Variants in MRPL58 observed in about 807,000 individuals in gnomAD.
The protein encoded by MRPL58 is large ribosomal subunit protein mL62.
Under a neutral mutation model 26.0 loss-of-function variants are expected in MRPL58, and 17 were observed. That is an observed-to-expected ratio of 0.65 (90% CI 0.45 to 0.98). The LOEUF (loss-of-function observed/expected upper bound fraction) is 0.98, where lower values mean the gene tolerates loss of function less well. MRPL58 is among the 50% of genes least tolerant of loss of function. The pLI, the probability that MRPL58 is intolerant of heterozygous loss-of-function variation, is 0.00. For missense variants in MRPL58, 250 were observed against 269.0 expected (o/e 0.93, Z 0.49); for synonymous variants, 100 against 99.7 (o/e 1.00, Z -0.02).
chr17:75,016,979 T>C, intron 1 of MRPL58, 99 bp from the exon 2 acceptor site: 1 of 878,902 alleles, frequency 1.1e-6, no homozygotes, highest in Non-Finnish European at 2.0e-6. Context: ...ATGTACAATG[T>C]TTGTGTTGTG....
At chr17:75,014,179 CTTTTTT>C (rs570042413) in intron 1 of MRPL58, among the ~76,000 whole-genome samples, 1 of 77,020 alleles carries the variant, frequency 1.3e-5, no homozygotes, top group Non-Finnish European at 2.2e-5. Flanking sequence ...AGTCTGGGGC[CTTTTTT>C]TTTTTTTTTT....
In MRPL58 at chr17:75,021,083, G is replaced by A; in HGVS notation, c.*78G>A. ...TGAGAGGACTTTCACACCATAAGGA[G>A]ATTTCTGTTTTTCTTTTTGGCTGTT... On this transcript the variant is annotated 3_prime_UTR_variant, in exon 6 of 6. Transcript: ENST00000301585. 1 of 911,328 alleles carries A rather than the reference G, an allele frequency of 1.1e-6. No homozygotes were observed. The highest frequency in any genetic ancestry group is 1.8e-6 in the Non-Finnish European group (1 of 554,748). 56.5% of individuals were successfully genotyped at this position (911,328 alleles called of 1,614,324 possible). A position where few individuals can be genotyped will look rare whatever the true frequency, so the allele number is the denominator to read the frequency against.
In MRPL58 at chr17:75,021,022, TG is replaced by T; in HGVS notation, c.*20del. ...ATGGACTGAAATCACCCTCTGCAGC[TG>T]GGAGGGCTCTTCTGGGCGTCCGGGC... On this transcript the variant is annotated 3_prime_UTR_variant, in exon 6 of 6. Coordinates refer to ENST00000301585, the MANE Select transcript of MRPL58 (RefSeq NM_001545.3). 6.3e-7 allele frequency: 1 copy of T among 1,577,600 alleles called. No homozygotes were observed. Among genetic ancestry groups the T allele is most frequent in the Non-Finnish European group, 8.7e-7 (1 of 1,146,722 alleles).
At chr17:75,018,904 C>T (rs576322861) in intron 2 of MRPL58, among the ~76,000 whole-genome samples, 17 of 152,248 alleles carry the variant, frequency 1.1e-4, no homozygotes, top group Non-Finnish European at 2.5e-4. Context: ...ATGACCACAA[C>T]CCAAGGGACA....
Position 75,013,056 on chromosome 17 carries a change from T to C in MRPL58, c.186+184T>C, listed in dbSNP as rs141417775. Reference sequence around the variant, plus strand: ...GGGGTGCTCGCTGTAGCGCGAGATGTGCAGGAGCCCGGAAGGCCGGCTGGG... The same window carrying C: ...GGGGTGCTCGCTGTAGCGCGAGATGCGCAGGAGCCCGGAAGGCCGGCTGGG... On this transcript the variant is annotated intron_variant, in intron 1 of 5. Transcript: ENST00000301585. 3.8e-3 allele frequency among the ~76,000 whole-genome samples: 585 copies of C among 152,270 alleles called. 4 individuals are homozygous for C. The highest frequency in any genetic ancestry group is 0.013 in the African/African-American group (555 of 41,562).
At position 75,012,728 on chromosome 17, in the gene MRPL58, C is replaced by T. The variant is rs1250110389; in HGVS notation, c.42C>T (p.Ala14=). The change falls in exon 1 of 6, where the codon GCC becomes GCT. Residue 14 remains alanine, a synonymous_variant. Transcript: ENST00000301585. The part of the protein sequence containing the change: ...TRCLRWGLSR[A]GVWLLPPPAR... Reference sequence around the variant, plus strand: ...GCCTGCGCTGGGGCCTGAGCCGAGCCGGAGTCTGGCTGCTCCCACCGCCCG... The same window carrying T: ...GCCTGCGCTGGGGCCTGAGCCGAGCTGGAGTCTGGCTGCTCCCACCGCCCG... 2.5e-6 allele frequency: 4 copies of T among 1,579,426 alleles called. No homozygotes were observed. The highest frequency in any genetic ancestry group is 3.7e-5 in the Admixed American group (2 of 54,486).
Position 75,019,250 on chromosome 17 carries a change from G to A in MRPL58, c.224-450G>A, listed in dbSNP as rs555983476. 6.6e-5 allele frequency among the ~76,000 whole-genome samples: 10 copies of A among 152,222 alleles called. No homozygotes were observed. The South Asian group carries it at 1.9e-3, about 28-fold the overall frequency. On this transcript the variant is annotated intron_variant, in intron 2 of 5. Transcript: ENST00000301585. Reference sequence around the variant, plus strand: ...AAGTGTCTTGTGACAGCCTCCTAGGGGGAGACAGGCAGGCAAGTGGGCAGT... The same window carrying A: ...AAGTGTCTTGTGACAGCCTCCTAGGAGGAGACAGGCAGGCAAGTGGGCAGT...
Position 75,017,018 on chromosome 17 carries a change from A to G in MRPL58, c.187-60A>G, listed in dbSNP as rs1049031221. ...TTACATCATTTCTTTGTTGCCTTGAACCAGTTAGGAGTCACCCAGCAGGTA... is the reference window on the plus strand; with the variant it reads ...TTACATCATTTCTTTGTTGCCTTGAGCCAGTTAGGAGTCACCCAGCAGGTA... On this transcript the variant is annotated intron_variant, in intron 1 of 5. Transcript: ENST00000301585. The G allele has an allele frequency of 3.1e-6, 4 of 1,275,076 alleles. No individual in the cohort carries two copies. The African/African-American group carries it at 5.9e-5, about 19-fold the overall frequency. 79.0% of individuals were successfully genotyped at this position (1,275,076 alleles called of 1,614,324 possible).
chr17:75,013,713 C>G (rs552073117), intron 1 of MRPL58, among the ~76,000 whole-genome samples: 1 of 152,170 alleles, frequency 6.6e-6, no homozygotes, highest in Admixed American at 6.5e-5. Context: ...AGAAGCCAGA[C>G]AGCAAGTCAT....
chr17:75,016,457 A>C (rs1232644438), intron 1 of MRPL58, among the ~76,000 whole-genome samples: 4 of 151,172 alleles, frequency 2.6e-5, no homozygotes, highest in Non-Finnish European at 1.5e-5. Flanking sequence ...GCACCTGAGG[A>C]TACTGATGCT....
intron 2 of MRPL58, among the ~76,000 whole-genome samples, chr17:75,019,051 G>A (rs1478231278): frequency 6.6e-6 from 1 of 151,834 alleles, no homozygotes; most frequent in African/African-American, 2.4e-5. Flanking sequence ...GTTCGCTTCA[G>A]CCTGGGATGT....
At position 75,012,765 on chromosome 17, in the gene MRPL58, C is replaced by T. The variant is rs1205504916; in HGVS notation, c.79C>T (p.Arg27Cys). The change falls in exon 1 of 6, where the codon CGC becomes TGC. Residue 27 changes from arginine (R) to cysteine (C), a missense_variant. Transcript: ENST00000301585. The part of the protein sequence containing the change: ...WLLPPPARCP[R>C]RALHKQKDGT... Reference sequence around the variant, plus strand: ...GCTCCCACCGCCCGCACGGTGCCCACGCCGGGCGCTGCACAAGCAGAAAGA... The same window carrying T: ...GCTCCCACCGCCCGCACGGTGCCCATGCCGGGCGCTGCACAAGCAGAAAGA... 5 of 1,597,628 alleles carry T rather than the reference C, an allele frequency of 3.1e-6. No individual in the cohort carries two copies. In the Admixed American group the frequency reaches 6.9e-5, roughly 22 times the overall value.
In MRPL58 at chr17:75,019,738, G is replaced by C. The variant is rs778120165; in HGVS notation, c.262G>C (p.Gly88Arg). The change falls in exon 3 of 6, where the codon GGG (glycine) becomes CGG (arginine). Residue 88 changes from glycine to arginine, a missense_variant. By Grantham distance (125) the Gly-to-Arg change is moderately radical. Transcript: ENST00000301585. The stretch of plus-strand genomic sequence containing the variant: ...ATCTTATTGTCGGAGTAGTGGTCCT[G>C]GGGGGCAGAATGTGAACAAAGGTAC... ...TISYCRSSGP[G>R]GQNVNKVNSK... 11 of 1,608,094 alleles carry C rather than the reference G, an allele frequency of 6.8e-6. No homozygotes were observed. The highest frequency in any genetic ancestry group is 3.3e-4 in the Middle Eastern group (2 of 6,032).
chr17:75,020,812 T>C, intron 5 of MRPL58, 109 bp from the exon 6 acceptor site: 1 of 1,176,574 alleles, frequency 8.5e-7, no homozygotes, highest in Non-Finnish European at 1.3e-6. Flanking sequence ...TGCGGGCTAG[T>C]GCCTGCTGGT....
chr17:75,018,657 C>T (rs376524822), intron 2 of MRPL58: 1 of 152,078 alleles, frequency 6.6e-6, no homozygotes, highest in Non-Finnish European at 1.5e-5. Context: ...ATAAGACAAA[C>T]TTGGTGGCTG....
At chr17:75,020,840 C>G (rs868139845) in intron 5 of MRPL58, 81 bp from the exon 6 acceptor site, 22 of 1,287,422 alleles carry the variant, frequency 1.7e-5, no homozygotes, top group Non-Finnish European at 2.1e-5. Flanking sequence ...CTCGGCTTCC[C>G]GTTGAGCTCC....
chr17:75,017,907 C>T (rs113071925), intron 2 of MRPL58, among the ~76,000 whole-genome samples: 2 of 148,550 alleles, frequency 1.3e-5, no homozygotes, highest in African/African-American at 5.0e-5. Flanking sequence ...CTGGGCGACA[C>T]AGCGAGACTC....
At chr17:75,016,895 G>A (rs868787873) in intron 1 of MRPL58, among the ~76,000 whole-genome samples, 183 bp from the exon 2 acceptor site, 1 of 152,256 alleles carries the variant, frequency 6.6e-6, no homozygotes, top group South Asian at 2.1e-4. Flanking sequence ...GTGTTTCTGA[G>A]GTGGTACCTC....
In MRPL58 at chr17:75,012,831, T is replaced by C. The variant is rs772866271; in HGVS notation, c.145T>C (p.Tyr49His). 3.7e-6 allele frequency: 6 copies of C among 1,609,570 alleles called. No individual in the cohort carries two copies. The highest frequency in any genetic ancestry group is 5.1e-6 in the Non-Finnish European group (6 of 1,177,110). ...GAGCATCTACAGCCTGGACAAGCTC[T>C]ACCCCGAATCTCAGGGCTCGGACAC... ...FKSIYSLDKL[Y>H]PESQGSDTAW... Residue 49 changes from tyrosine (Y) to histidine (H), a missense_variant, in exon 1 of 6, where the codon TAC becomes CAC. By Grantham distance (83) the Tyr-to-His change is moderately conservative (BLOSUM62 2). Coordinates refer to ENST00000301585, the MANE Select transcript of MRPL58 (RefSeq NM_001545.3).
Sources: gnomAD v4.1 joint callset for allele counts (sites outside exome capture counted in the v4.1 genomes callset) on GRCh38, gnomAD v4.1.1 for gene constraint, MANE v1.5 for transcripts, NCBI Gene and HGNC (gene_info 2026-07-23, HGNC 2026-07-21) for gene names.